Variants in COLEC10 observed in about 807,000 individuals in gnomAD.
The protein encoded by COLEC10 is collectin subfamily member 10.
Under a neutral mutation model 28.4 loss-of-function variants are expected in COLEC10, and 22 were observed. That is an observed-to-expected ratio of 0.78 (90% CI 0.55 to 1.11). The LOEUF (loss-of-function observed/expected upper bound fraction) is 1.11, where lower values mean the gene tolerates loss of function less well. Ranked by LOEUF, COLEC10 falls within the 50% of genes least tolerant of loss-of-function variation. The probability of loss-of-function intolerance (pLI) is 0.00; values close to 1 mark genes in which losing one functional copy is unlikely to be tolerated. For missense variants in COLEC10, 361 were observed against 344.1 expected (o/e 1.05, Z -0.39); for synonymous variants, 125 against 116.1 (o/e 1.08, Z -0.49).
At chr8:118,958,967 A>T in the COLEC10 span, among the ~76,000 whole-genome samples, 1 of 152,322 alleles carries the variant, frequency 6.6e-6, no homozygotes, top group South Asian at 2.1e-4. Flanking sequence ...GGGATGTGAG[A>T]TTGAGTCATT....
rs143596574 is a variant in COLEC10 at position 119,083,487 on chromosome 8, G to A, written c.149-6193G>A. The stretch of plus-strand genomic sequence containing the variant: ...ATTTCCTGCAGAAAACTGTGGAGCT[G>A]TTAACTGAAGCCCAGGGAGTGGATA... On this transcript the variant is annotated intron_variant, in intron 1 of 5. Coordinates refer to ENST00000332843, the MANE Select transcript of COLEC10 (RefSeq NM_006438.5). 6.6e-5 allele frequency among the ~76,000 whole-genome samples: 10 copies of A among 152,258 alleles called. No individual in the cohort carries two copies. In the East Asian group the frequency reaches 1.7e-3, roughly 26 times the overall value.
At chr8:118,964,299 A>G in the COLEC10 span, among the ~76,000 whole-genome samples, 10 of 152,164 alleles carry the variant, frequency 6.6e-5, no homozygotes, top group African/African-American at 2.2e-4. Context: ...TGTCCTTTCT[A>G]TCCCCCAAGA....
At chr8:118,969,761 G>A in the COLEC10 span, among the ~76,000 whole-genome samples, 1 of 151,172 alleles carries the variant, frequency 6.6e-6, no homozygotes, top group East Asian at 1.9e-4. Context: ...GGATAGAGTG[G>A]GTTTCTGTAT....
chr8:118,994,124 T>C (rs1813552281), upstream of COLEC10, among the ~76,000 whole-genome samples: 1 of 152,160 alleles, frequency 6.6e-6, no homozygotes. Flanking sequence ...TAGCTTGGAT[T>C]CTCTTTTTAC....
At chr8:119,078,700 AT>A in intron 1 of COLEC10, among the ~76,000 whole-genome samples, 1 of 152,142 alleles carries the variant, frequency 6.6e-6, no homozygotes. Context: ...TCATTTAGTG[AT>A]TGATGATTAT....
At chr8:119,092,079 T>C (rs898921190) in intron 3 of COLEC10, among the ~76,000 whole-genome samples, 18 of 149,594 alleles carry the variant, frequency 1.2e-4, no homozygotes, top group African/African-American at 4.2e-4. Flanking sequence ...TTTTTTTTTT[T>C]TTTTTTTTGA....
intron 2 of COLEC10, among the ~76,000 whole-genome samples, chr8:119,019,504 T>C (rs1043751212): frequency 1.3e-5 from 2 of 152,146 alleles, no homozygotes; most frequent in African/African-American, 4.8e-5. Context: ...CCTTTCCTTG[T>C]TTCCACATCA....
the COLEC10 span, among the ~76,000 whole-genome samples, chr8:118,959,500 A>G: frequency 6.6e-6 from 1 of 152,200 alleles, no homozygotes; most frequent in Admixed American, 6.5e-5. Flanking sequence ...AGGAGAAAAT[A>G]TATACAAGGC....
chr8:119,036,067 TA>T (rs1395283446), intron 2 of COLEC10, among the ~76,000 whole-genome samples: 2 of 152,172 alleles, frequency 1.3e-5, no homozygotes, highest in African/African-American at 4.8e-5. Context: ...TTATATTTAA[TA>T]AAATTAATTC....
intron 1 of COLEC10, among the ~76,000 whole-genome samples, chr8:119,007,781 T>C (rs768044694): frequency 8.6e-5 from 13 of 151,142 alleles, no homozygotes; most frequent in Middle Eastern, 6.8e-3. Flanking sequence ...ATCCAATATG[T>C]ACCAGAAATC....
At chr8:119,025,927 C>T (rs77061957) in intron 2 of COLEC10, among the ~76,000 whole-genome samples, 3 of 152,142 alleles carry the variant, frequency 2.0e-5, no homozygotes, top group Admixed American at 1.3e-4. Context: ...CATCATGTCA[C>T]ATCAACAACT....
the COLEC10 span, among the ~76,000 whole-genome samples, chr8:118,967,814 A>G: frequency 1.3e-5 from 2 of 152,084 alleles, no homozygotes; most frequent in African/African-American, 4.8e-5. Flanking sequence ...ATTTTCATTA[A>G]TCATATTAGC....
chr8:118,980,844 A>G, the COLEC10 span, among the ~76,000 whole-genome samples: 2 of 151,968 alleles, frequency 1.3e-5, no homozygotes, highest in Non-Finnish European at 2.9e-5. Context: ...TAAATTGTAT[A>G]TTTTCCTATG....
intron 2 of COLEC10, among the ~76,000 whole-genome samples, chr8:119,054,564 G>A (rs1322006085): frequency 3.3e-5 from 5 of 151,812 alleles, no homozygotes; most frequent in African/African-American, 7.3e-5. Flanking sequence ...AGTTGAGCTC[G>A]GCGGTACAAT....
intron 1 of COLEC10, among the ~76,000 whole-genome samples, chr8:119,076,158 G>A (rs2130245052): frequency 6.8e-6 from 1 of 146,912 alleles, no homozygotes; most frequent in African/African-American, 2.5e-5. Context: ...TGATCCGCCT[G>A]CCTCGGCCTC....
At chr8:118,972,846 A>G in the COLEC10 span, among the ~76,000 whole-genome samples, 1 of 152,160 alleles carries the variant, frequency 6.6e-6, no homozygotes, top group East Asian at 1.9e-4. Context: ...TAATTGACTC[A>G]CAGTTCAGCA....
At chr8:118,972,850 T>G in the COLEC10 span, among the ~76,000 whole-genome samples, 1 of 152,010 alleles carries the variant, frequency 6.6e-6, no homozygotes, top group African/African-American at 2.4e-5. Context: ...TGACTCACAG[T>G]TCAGCATGGC....
At chr8:119,037,548 G>A (rs1301672082) in intron 2 of COLEC10, among the ~76,000 whole-genome samples, 2 of 152,126 alleles carry the variant, frequency 1.3e-5, no homozygotes, top group African/African-American at 4.8e-5. Context: ...CAGCCCTAGA[G>A]CTGAAGCCAT....
chr8:118,967,845 C>T, the COLEC10 span, among the ~76,000 whole-genome samples: 7 of 151,958 alleles, frequency 4.6e-5, no homozygotes, highest in African/African-American at 1.7e-4. Context: ...CCACAGCAGT[C>T]CCCTTTAATG....
Sources: allele counts gnomAD v4.1 joint callset (sites outside exome capture counted in the v4.1 genomes callset), GRCh38; gene constraint gnomAD v4.1.1; transcripts MANE v1.5; gene names NCBI Gene and HGNC (gene_info 2026-07-23, HGNC 2026-07-21).